Variants in PTPRT observed in about 807,000 individuals in gnomAD.
The protein encoded by PTPRT is receptor-type tyrosine-protein phosphatase T.
Under a neutral mutation model 176.8 loss-of-function variants are expected in PTPRT, and 56 were observed. That is an observed-to-expected ratio of 0.32 (90% CI 0.26 to 0.40). The LOEUF (loss-of-function observed/expected upper bound fraction) is 0.40, where lower values mean the gene tolerates loss of function less well. PTPRT is among the 10% of genes least tolerant of loss of function. The pLI is 1.00. For missense variants in PTPRT, 1,540 were observed against 1,908.2 expected (o/e 0.81, Z 3.60); for synonymous variants, 783 against 739.0 (o/e 1.06, Z -0.96).
At chr20:42,331,344 C>T (rs1159915320) in intron 11 of PTPRT, among the ~76,000 whole-genome samples, 3 of 151,838 alleles carry the variant, frequency 2.0e-5, no homozygotes, top group East Asian at 3.9e-4. Flanking sequence ...ATCAGTAGGG[C>T]GCCTGGATGT....
rs186555802 is a variant in PTPRT at position 42,075,473 on chromosome 20, T to C, written c.*5406A>G. The C allele has an allele frequency of 1.0e-4, 23 of 223,682 alleles. No homozygotes were observed. The East Asian group carries it at 1.5e-3, about 15-fold the overall frequency. 13.9% of individuals were successfully genotyped at this position (223,682 alleles called of 1,614,324 possible). On this transcript the variant is annotated 3_prime_UTR_variant, in exon 31 of 31. Transcript: ENST00000373187. ...CCCATGTCTTCCAGAGTGTTACTCC[T>C]GGTTGAGCTTGGTGCTGATGACCTG...
intron 7 of PTPRT, among the ~76,000 whole-genome samples, chr20:42,516,659 G>T (rs1189604934): frequency 6.6e-6 from 1 of 152,110 alleles, no homozygotes; most frequent in Non-Finnish European, 1.5e-5. Context: ...CTTAGAAGTA[G>T]AATTAATGGT....
intron 2 of PTPRT, among the ~76,000 whole-genome samples, chr20:42,813,948 T>C (rs1034130136): frequency 1.1e-4 from 16 of 152,184 alleles, no homozygotes; most frequent in Admixed American, 8.5e-4. Flanking sequence ...ACCTCCTCCA[T>C]AACCCCCTTC....
At chr20:42,341,484 A>T (rs925787193) in intron 11 of PTPRT, among the ~76,000 whole-genome samples, 1 of 152,200 alleles carries the variant, frequency 6.6e-6, no homozygotes, top group African/African-American at 2.4e-5. Flanking sequence ...AAGAAAAGTC[A>T]AAATGAAATA....
intron 6 of PTPRT, among the ~76,000 whole-genome samples, chr20:42,724,472 C>G (rs775385209): frequency 1.9e-4 from 29 of 152,144 alleles, no homozygotes; most frequent in Admixed American, 9.8e-4. Flanking sequence ...TTTCTTGTTT[C>G]CCTCCACCAT....
rs1308646743 is a variant in PTPRT at position 42,618,344 on chromosome 20, G to C, written c.1153+59522C>G. 1.5e-5 allele frequency among the ~76,000 whole-genome samples: 2 copies of C among 134,262 alleles called. 1 individual carries two copies. Among genetic ancestry groups the C allele is most frequent in the Non-Finnish European group, 3.1e-5 (2 of 63,878 alleles). The allele number at this position is 134,262 out of a possible 152,430, so 88.1% of individuals were successfully genotyped here. A position where few individuals can be genotyped will look rare whatever the true frequency, so the allele number is the denominator to read the frequency against. ...TTTCTGTTCTTTTACATTTGCTGAG[G>C]AGTGCTTTACTTCCAACTATGTGGT... On this transcript the variant is annotated intron_variant, in intron 7 of 30. Coordinates refer to ENST00000373187, the MANE Select transcript of PTPRT (RefSeq NM_007050.6).
chr20:43,139,785 G>A lies in PTPRT; in HGVS notation c.88+49861C>T, dbSNP rs535741988. On this transcript the variant is annotated intron_variant, in intron 1 of 30. Coordinates refer to ENST00000373187, the MANE Select transcript of PTPRT (RefSeq NM_007050.6). ...TTGGTGTTCCCAATGGCTCTGCCAC[G>A]TGGGGCCCTTTCTCCTCCTTCTCCA... Among the ~76,000 whole-genome samples, 11 of 152,314 alleles carry A rather than the reference G, an allele frequency of 7.2e-5. No individual in the cohort carries two copies. In the South Asian group the frequency reaches 1.2e-3, roughly 17 times the overall value.
At chr20:42,283,715 C>T (rs984485362) in intron 12 of PTPRT, among the ~76,000 whole-genome samples, 17 of 151,926 alleles carry the variant, frequency 1.1e-4, no homozygotes, top group Admixed American at 7.2e-4. Flanking sequence ...GAATCAGAAG[C>T]GACACTTTCA....
At chr20:43,074,591 T>C (rs140600837) in intron 1 of PTPRT, among the ~76,000 whole-genome samples, 11 of 152,304 alleles carry the variant, frequency 7.2e-5, no homozygotes, top group African/African-American at 2.6e-4. Flanking sequence ...TTGCTCAGAG[T>C]CACACATTTA....
chr20:42,722,108 C>T (rs2076312374), intron 6 of PTPRT, among the ~76,000 whole-genome samples: 2 of 152,192 alleles, frequency 1.3e-5, no homozygotes, highest in South Asian at 2.1e-4. Context: ...TTTGCTTCCT[C>T]CCAAGTGTCC....
At chr20:42,361,524 T>A (rs2058431703) in intron 9 of PTPRT, among the ~76,000 whole-genome samples, 1 of 152,156 alleles carries the variant, frequency 6.6e-6, no homozygotes, top group African/African-American at 2.4e-5. Context: ...TTCTGACTTG[T>A]CCACAGAGAC....
chr20:42,497,082 C>T (rs563881035), intron 7 of PTPRT, among the ~76,000 whole-genome samples: 1 of 152,224 alleles, frequency 6.6e-6, no homozygotes, highest in African/African-American at 2.4e-5. Flanking sequence ...GGAACCAATT[C>T]AGAATTTGTT....
chr20:42,387,249 T>G (rs2425479), intron 9 of PTPRT, among the ~76,000 whole-genome samples: 143,256 of 152,310 alleles, frequency 0.94, 67,458 homozygotes, highest in East Asian at 1. Flanking sequence ...GCTGCTTGGG[T>G]CAGTGATATA....
At chr20:42,546,995 A>C (rs2145599796) in intron 7 of PTPRT, among the ~76,000 whole-genome samples, 1 of 152,316 alleles carries the variant, frequency 6.6e-6, no homozygotes, top group South Asian at 2.1e-4. Context: ...AGAGACATAA[A>C]GTTAGCACAT....
chr20:42,872,837 C>T (rs1376021914), intron 2 of PTPRT, among the ~76,000 whole-genome samples: 2 of 152,070 alleles, frequency 1.3e-5, no homozygotes, highest in African/African-American at 2.4e-5. Flanking sequence ...GTGTAGGAAG[C>T]CCAGAGAAAG....
Position 42,697,000 on chromosome 20 carries a change from C to T in PTPRT, c.860-18841G>A, listed in dbSNP as rs550276820. Among the ~76,000 whole-genome samples, 231 of 152,188 alleles carry T rather than the reference C, an allele frequency of 1.5e-3. 1 individual carries two copies. Among genetic ancestry groups the T allele is most frequent in the Non-Finnish European group, 2.8e-3 (189 of 68,030 alleles). ...TAACATAGGTCATAGACAACTAAGA[C>T]ATCAAACATACTCCATAGATAGCTA... On this transcript the variant is annotated intron_variant, in intron 6 of 30. Coordinates refer to ENST00000373187, the MANE Select transcript of PTPRT (RefSeq NM_007050.6).
chr20:43,165,923 C>T (rs2014846728), intron 1 of PTPRT, among the ~76,000 whole-genome samples: 1 of 152,186 alleles, frequency 6.6e-6, no homozygotes, highest in Non-Finnish European at 1.5e-5. Context: ...GGCATGGTGG[C>T]TCACACCTGT....
At chr20:42,588,582 T>A (rs573831911) in intron 7 of PTPRT, among the ~76,000 whole-genome samples, 54 of 152,288 alleles carry the variant, frequency 3.5e-4, no homozygotes, top group African/African-American at 1.2e-3. Flanking sequence ...AATGTATCAT[T>A]AATAAGTTTT....
At chr20:42,462,199 T>C (rs918022181) in intron 8 of PTPRT, among the ~76,000 whole-genome samples, 6 of 152,170 alleles carry the variant, frequency 3.9e-5, no homozygotes, top group African/African-American at 1.4e-4. Context: ...CAAGGTCATC[T>C]GTGGAAGTGA....
Sources: allele counts gnomAD v4.1 joint callset (sites outside exome capture counted in the v4.1 genomes callset), GRCh38; gene constraint gnomAD v4.1.1; transcripts MANE v1.5; gene names NCBI Gene and HGNC (gene_info 2026-07-23, HGNC 2026-07-21).